ARHGAP22: variants seen among roughly 807,000 people sequenced by gnomAD.
The protein encoded by ARHGAP22 is rho GTPase-activating protein 22.
In ARHGAP22, 48 loss-of-function variants were observed where a neutral mutation model predicts 59.1. The ratio of observed to expected loss-of-function variants is 0.81; its 90% confidence interval spans 0.64 to 1.03. The LOEUF (loss-of-function observed/expected upper bound fraction) is 1.03, where lower values mean the gene tolerates loss of function less well. ARHGAP22 is among the 50% of genes least tolerant of loss of function. The pLI is 0.00. For missense variants in ARHGAP22, 1,015 were observed against 958.7 expected (o/e 1.06, Z -0.78); for synonymous variants, 445 against 416.4 (o/e 1.07, Z -0.84).
Position 48,604,865 on chromosome 10 carries a change from T to TCG in ARHGAP22, c.-71_-70dup. 6.2e-7 allele frequency: 1 copy of TCG among 1,611,294 alleles called. No homozygotes were observed. Among genetic ancestry groups the TCG allele is most frequent in the Non-Finnish European group, 8.5e-7 (1 of 1,179,604 alleles). On this transcript the variant is annotated 5_prime_UTR_variant, in exon 1 of 10. Coordinates refer to ENST00000249601, the MANE Select transcript of ARHGAP22 (RefSeq NM_021226.4). ...GTCATCCACTTGCTTTTGCTCGTCC[T>TCG]CGCGCCTAGTCGCCCCTCATGTCCT...
chr10:48,436,765 TAG>T, the ARHGAP22 span: 3 of 152,230 alleles, frequency 2.0e-5, no homozygotes, highest in Non-Finnish European at 2.9e-5. Context: ...TTCGATGGCT[TAG>T]AGTCATGATT....
chr10:48,611,557 A>G (rs773483276), intron 1 of ARHGAP22, among the ~76,000 whole-genome samples: 3 of 152,074 alleles, frequency 2.0e-5, no homozygotes, highest in Non-Finnish European at 2.9e-5. Context: ...TTAGGTAAAG[A>G]GTCAGATTTT....
In ARHGAP22 at chr10:48,469,778, G is replaced by A. The variant is rs140983985; in HGVS notation, c.451+9858C>T. On this transcript the variant is annotated intron_variant, in intron 4 of 9. Coordinates refer to ENST00000249601, the MANE Select transcript of ARHGAP22 (RefSeq NM_021226.4). Reference sequence around the variant, plus strand: ...TGAGCTCCCTTCCTCTTCTCTCAGGGTGTGTGGGCTGAAGTCCTCCAGGGC... The same window carrying A: ...TGAGCTCCCTTCCTCTTCTCTCAGGATGTGTGGGCTGAAGTCCTCCAGGGC... Among the ~76,000 whole-genome samples the A allele has an allele frequency of 5.6e-3, 848 of 152,326 alleles. 5 individuals carry two copies. The highest frequency in any genetic ancestry group is 9.5e-3 in the Non-Finnish European group (647 of 68,028).
intron 1 of ARHGAP22, among the ~76,000 whole-genome samples, chr10:48,645,595 T>C (rs968883663): frequency 6.6e-6 from 1 of 152,136 alleles, no homozygotes; most frequent in African/African-American, 2.4e-5. Flanking sequence ...CCAATAGCCA[T>C]TCATGATTTT....
chr10:48,548,228 A>G (rs2056616754), intron 3 of ARHGAP22, among the ~76,000 whole-genome samples: 1 of 151,906 alleles, frequency 6.6e-6, no homozygotes, highest in African/African-American at 2.4e-5. Context: ...CCCCTTCCAC[A>G]AGTGTCACTC....
intron 3 of ARHGAP22, among the ~76,000 whole-genome samples, chr10:48,503,199 A>T (rs1356369469): frequency 1.3e-5 from 2 of 152,244 alleles, no homozygotes; most frequent in East Asian, 3.9e-4. Flanking sequence ...CAGCATGTTA[A>T]ATGGAATATG....
Position 48,634,957 on chromosome 10 carries a change from G to A in ARHGAP22, c.52+17277C>T, listed in dbSNP as rs561373954. ...GTGATATTTACAAGCCAAGGAGAGA[G>A]GAGAAAGAAGCTTGCTAACACATTG... On this transcript the variant is annotated intron_variant, in intron 1 of 9. Coordinates refer to the ARHGAP22 transcript ENST00000435790. Among the ~76,000 whole-genome samples the A allele has an allele frequency of 3.3e-5, 5 of 152,282 alleles. No homozygotes were observed. In the East Asian group the frequency reaches 9.6e-4, roughly 29 times the overall value.
At chr10:48,562,056 C>G (rs1424440501) in intron 2 of ARHGAP22, among the ~76,000 whole-genome samples, 1 of 152,036 alleles carries the variant, frequency 6.6e-6, no homozygotes, top group African/African-American at 2.4e-5. Flanking sequence ...GAAACCCTGT[C>G]TCTATTAAAA....
At chr10:48,643,193 G>C (rs2062128011) in intron 1 of ARHGAP22, among the ~76,000 whole-genome samples, 1 of 152,134 alleles carries the variant, frequency 6.6e-6, no homozygotes, top group Non-Finnish European at 1.5e-5. Context: ...ATTCCTCAAG[G>C]ATCTACAACT....
intron 3 of ARHGAP22, among the ~76,000 whole-genome samples, chr10:48,547,907 T>A (rs944769273): frequency 3.9e-5 from 6 of 152,196 alleles, no homozygotes; most frequent in Non-Finnish European, 7.3e-5. Context: ...AGTGAACATT[T>A]GACAGAGACT....
intron 3 of ARHGAP22, among the ~76,000 whole-genome samples, chr10:48,514,816 G>A (rs574830841): frequency 6.6e-6 from 1 of 152,258 alleles, no homozygotes; most frequent in East Asian, 1.9e-4. Context: ...AGGCAGCAGG[G>A]AGAACAAAGT....
intron 3 of ARHGAP22, among the ~76,000 whole-genome samples, chr10:48,511,358 C>T (rs1007849708): frequency 6.6e-6 from 1 of 152,234 alleles, no homozygotes; most frequent in Non-Finnish European, 1.5e-5. Flanking sequence ...GATTTGAGCC[C>T]AGGGTGGCCT....
downstream of ARHGAP22, among the ~76,000 whole-genome samples, chr10:48,442,311 G>T (rs529083957): frequency 6.6e-6 from 1 of 152,232 alleles, no homozygotes; most frequent in East Asian, 1.9e-4. Context: ...AGGGCAGGGG[G>T]TGGCAAGTGC....
intron 3 of ARHGAP22, among the ~76,000 whole-genome samples, chr10:48,543,298 T>G (rs1213577249): frequency 6.6e-6 from 1 of 152,156 alleles, no homozygotes; most frequent in Non-Finnish European, 1.5e-5. Flanking sequence ...GGCTCCTCAC[T>G]GCCTTGGGGA....
At chr10:48,536,970 C>T (rs886302130) in intron 3 of ARHGAP22, among the ~76,000 whole-genome samples, 2 of 151,990 alleles carry the variant, frequency 1.3e-5, no homozygotes, top group Non-Finnish European at 2.9e-5. Flanking sequence ...AGGGCACAAT[C>T]TTTGCCAGGC....
At chr10:48,536,121 A>G (rs1047661936) in intron 3 of ARHGAP22, among the ~76,000 whole-genome samples, 11 of 152,232 alleles carry the variant, frequency 7.2e-5, no homozygotes, top group Non-Finnish European at 1.6e-4. Context: ...AGAAACTGCA[A>G]TTCTTCGAGG....
Position 48,454,090 on chromosome 10 carries a change from G to A in ARHGAP22, c.864C>T (p.Cys288=). 8 of 1,613,958 alleles carry A rather than the reference G, an allele frequency of 5.0e-6. No homozygotes were observed. The highest frequency in any genetic ancestry group is 5.9e-6 in the Non-Finnish European group (7 of 1,179,868). ...QANYNLLRYI[C]KFLDEVQAYS... ...TTCCCTCCTGCCAAGCCGCTTACTT[G>A]CAGATGTATCTGAGCAGGTTGTAAT... Residue 288 remains cysteine, a splice_region_variant and synonymous_variant, in exon 7 of 10, where the codon TGC becomes TGT. Coordinates refer to ENST00000249601, the MANE Select transcript of ARHGAP22 (RefSeq NM_021226.4).
chr10:48,441,811 G>A (rs1472858961), downstream of ARHGAP22, among the ~76,000 whole-genome samples: 6 of 152,148 alleles, frequency 3.9e-5, no homozygotes, highest in South Asian at 2.1e-4. Context: ...TGGGTCCTGC[G>A]GGTCCAGGTG....
intron 3 of ARHGAP22, among the ~76,000 whole-genome samples, chr10:48,553,167 C>T (rs1219459612): frequency 6.6e-6 from 1 of 152,256 alleles, no homozygotes; most frequent in Non-Finnish European, 1.5e-5. Context: ...TGGCATTGTG[C>T]TCTGCTCTGC....
Sources: gnomAD v4.1 joint callset for allele counts (sites outside exome capture counted in the v4.1 genomes callset) on GRCh38, gnomAD v4.1.1 for gene constraint, MANE v1.5 for transcripts, NCBI Gene and HGNC (gene_info 2026-07-23, HGNC 2026-07-21) for gene names.